OCA2: variants seen among roughly 807,000 people sequenced by gnomAD.
OCA2 encodes P protein.
Under a neutral mutation model 100.2 loss-of-function variants are expected in OCA2, and 77 were observed. That is an observed-to-expected ratio of 0.77 (90% CI 0.64 to 0.93). The LOEUF is 0.93. OCA2 is among the 40% of genes least tolerant of loss of function. The probability of loss-of-function intolerance (pLI) is 0.00; values close to 1 mark genes in which losing one functional copy is unlikely to be tolerated. For missense variants in OCA2, 1,062 were observed against 1,089.1 expected (o/e 0.98, Z 0.35); for synonymous variants, 432 against 439.2 (o/e 0.98, Z 0.21).
chr15:27,765,723 A>G (rs796988048), intron 23 of OCA2, among the ~76,000 whole-genome samples: 16 of 152,346 alleles, frequency 1.1e-4, no homozygotes, highest in African/African-American at 3.8e-4. Flanking sequence ...TTCCCAGGTC[A>G]TCTGCATCCT....
At chr15:28,072,607 AAAC>A (rs1566867675) in intron 2 of OCA2, among the ~76,000 whole-genome samples, 2 of 150,238 alleles carry the variant, frequency 1.3e-5, no homozygotes, top group Non-Finnish European at 2.9e-5. Context: ...AAAAAAAAAA[AAAC>A]AAGTAACCCC....
intron 18 of OCA2, among the ~76,000 whole-genome samples, chr15:27,926,994 G>T (rs2039066245): frequency 6.6e-6 from 1 of 152,094 alleles, no homozygotes; most frequent in Non-Finnish European, 1.5e-5. Context: ...ATCATGTTAA[G>T]ATCCTTCACT....
chr15:27,946,822 A>G (rs2039855075), intron 18 of OCA2, among the ~76,000 whole-genome samples: 1 of 152,200 alleles, frequency 6.6e-6, no homozygotes, highest in African/African-American at 2.4e-5. Flanking sequence ...CATAAAATCT[A>G]AAGTGTTATT....
At chr15:27,874,253 T>C (rs781450767) in intron 19 of OCA2, among the ~76,000 whole-genome samples, 32 of 152,126 alleles carry the variant, frequency 2.1e-4, no homozygotes, top group Non-Finnish European at 3.8e-4. Flanking sequence ...CCTGCAGCTG[T>C]CTAGGAGCGG....
At chr15:27,939,007 C>T (rs918993896) in intron 18 of OCA2, among the ~76,000 whole-genome samples, 2 of 152,186 alleles carry the variant, frequency 1.3e-5, no homozygotes, top group African/African-American at 2.4e-5. Context: ...TAAATCCATA[C>T]GCTTGCTGAG....
intron 23 of OCA2, among the ~76,000 whole-genome samples, chr15:27,826,818 T>G (rs899629006): frequency 6.6e-6 from 1 of 152,142 alleles, no homozygotes; most frequent in Non-Finnish European, 1.5e-5. Flanking sequence ...AACACCGGAG[T>G]GCGGGACTGG....
chr15:27,823,146 T>G (rs905855031), intron 23 of OCA2, among the ~76,000 whole-genome samples: 1 of 152,250 alleles, frequency 6.6e-6, no homozygotes, highest in South Asian at 2.1e-4. Context: ...ACCTCTGTCA[T>G]AAATCGGAGA....
the OCA2 span, among the ~76,000 whole-genome samples, chr15:27,722,754 T>C: frequency 1.4e-5 from 2 of 141,346 alleles, no homozygotes; most frequent in East Asian, 2.0e-4. Context: ...TTCTTCTTCT[T>C]TCCTTCCTTT....
At chr15:27,931,808 T>G (rs2039261777) in intron 18 of OCA2, among the ~76,000 whole-genome samples, 1 of 152,256 alleles carries the variant, frequency 6.6e-6, no homozygotes, top group African/African-American at 2.4e-5. Flanking sequence ...ACTACCCTTT[T>G]GTCTCCTACG....
chr15:27,847,599 G>A (rs180997039), intron 22 of OCA2, among the ~76,000 whole-genome samples: 346 of 152,332 alleles, frequency 2.3e-3, no homozygotes, highest in Middle Eastern at 3.4e-3. Context: ...GAGAGGCCCC[G>A]GAGAGAGGCC....
intron 19 of OCA2, among the ~76,000 whole-genome samples, chr15:27,872,232 C>T (rs1249658374): frequency 2.6e-5 from 4 of 152,312 alleles, no homozygotes; most frequent in East Asian, 1.9e-4. Flanking sequence ...ACTGTTCAAT[C>T]GTACATAATG....
chr15:27,960,285 G>A (rs1277530834), intron 15 of OCA2, among the ~76,000 whole-genome samples: 1 of 152,114 alleles, frequency 6.6e-6, no homozygotes, highest in Admixed American at 6.5e-5. Flanking sequence ...TGTGTCACAG[G>A]TGTCAGATCT....
intron 9 of OCA2, among the ~76,000 whole-genome samples, chr15:28,006,544 A>G (rs908702781): frequency 2.6e-5 from 4 of 152,240 alleles, no homozygotes; most frequent in Admixed American, 6.5e-5. Context: ...GACTCCTTCA[A>G]CTGCAAAAGT....
chr15:27,838,331 T>C (rs1372543705), intron 23 of OCA2, among the ~76,000 whole-genome samples: 1 of 152,058 alleles, frequency 6.6e-6, no homozygotes, highest in Non-Finnish European at 1.5e-5. Flanking sequence ...AGGAAGACTA[T>C]AATCAAATGA....
intron 17 of OCA2, among the ~76,000 whole-genome samples, chr15:27,952,290 C>T (rs2040057706): frequency 1.3e-5 from 2 of 152,188 alleles, no homozygotes. Flanking sequence ...AGGCTCTGGC[C>T]ATGTTCTTTA....
intron 19 of OCA2, among the ~76,000 whole-genome samples, chr15:27,879,469 CCAACAG>C (rs1423503541): frequency 5.3e-5 from 8 of 152,162 alleles, no homozygotes; most frequent in Non-Finnish European, 7.3e-5. Context: ...TAGATTTACA[CCAACAG>C]TGTAAAAGCA....
chr15:27,980,357 G>C (rs1367643970), intron 14 of OCA2, among the ~76,000 whole-genome samples: 1 of 149,078 alleles, frequency 6.7e-6, no homozygotes, highest in Non-Finnish European at 1.5e-5. Context: ...CTGATCTCCT[G>C]ACCTCATGAT....
chr15:27,749,849 G>A, the OCA2 span, among the ~76,000 whole-genome samples: 1 of 152,150 alleles, frequency 6.6e-6, no homozygotes, highest in Non-Finnish European at 1.5e-5. Flanking sequence ...CTAAATAAAT[G>A]GAGAGACATA....
downstream of OCA2, among the ~76,000 whole-genome samples, chr15:27,754,039 C>T (rs1023994142): frequency 6.6e-6 from 1 of 152,040 alleles, no homozygotes; most frequent in African/African-American, 2.4e-5. Context: ...ACGGGCAGCA[C>T]GGGAGTGGCC....
Sources: allele counts gnomAD v4.1 joint callset (sites outside exome capture counted in the v4.1 genomes callset), GRCh38; gene constraint gnomAD v4.1.1; transcripts MANE v1.5; gene names NCBI Gene and HGNC (gene_info 2026-07-23, HGNC 2026-07-21).